NEMF: variants seen among roughly 807,000 people sequenced by gnomAD.
NEMF encodes ribosome quality control complex subunit NEMF.
In NEMF, 89 loss-of-function variants were observed where a neutral mutation model predicts 162.2. The ratio of observed to expected loss-of-function variants is 0.55; its 90% CI spans 0.46 to 0.65. NEMF has a LOEUF of 0.65. NEMF is among the 30% of genes least tolerant of loss of function. The pLI is 0.00. For missense variants in NEMF, 1,133 were observed against 1,261.9 expected (o/e 0.90, Z 1.55); for synonymous variants, 421 against 404.5 (o/e 1.04, Z -0.49).
intron 18 of NEMF, among the ~76,000 whole-genome samples, chr14:49,811,191 A>T (rs184313509): frequency 3.3e-5 from 5 of 152,130 alleles, no homozygotes; most frequent in Non-Finnish European, 2.9e-5. Flanking sequence ...ATTCCTAAGT[A>T]TTTTATTCTT....
At chr14:49,842,053 C>T (rs548467607) in intron 4 of NEMF, among the ~76,000 whole-genome samples, 2 of 150,622 alleles carry the variant, frequency 1.3e-5, no homozygotes, top group Non-Finnish European at 3.0e-5. Context: ...TGCTGTGAGC[C>T]GAGATCACGC....
chr14:49,803,205 G>A (rs765062165), intron 20 of NEMF, 32 bp downstream of exon 20: 4 of 1,457,510 alleles, frequency 2.7e-6, no homozygotes, highest in Non-Finnish European at 1.9e-6. Flanking sequence ...CCATTGACAA[G>A]TCTAGTGATA....
At chr14:49,840,904 A>G (rs1210722306) in intron 4 of NEMF, 38 bp from the exon 5 acceptor site, 3 of 1,584,084 alleles carry the variant, frequency 1.9e-6, no homozygotes, top group Non-Finnish European at 2.6e-6. Flanking sequence ...GCTCTTTCAA[A>G]TAATTTTTGA....
At chr14:49,831,498 C>A (rs967171965) in intron 10 of NEMF, 137 bp from the exon 11 acceptor site, 4 of 604,380 alleles carry the variant, frequency 6.6e-6, no homozygotes, top group African/African-American at 5.6e-5. Flanking sequence ...ACTGCAGTGG[C>A]GCGATCTAGG....
At chr14:49,843,729 G>A (rs1180562407) in intron 4 of NEMF, among the ~76,000 whole-genome samples, 3 of 152,178 alleles carry the variant, frequency 2.0e-5, no homozygotes, top group Admixed American at 2.0e-4. Context: ...GTAGTCAACT[G>A]TAATACAATA....
At chr14:49,797,205 T>C (rs1483972363) in intron 25 of NEMF, among the ~76,000 whole-genome samples, 7 of 152,188 alleles carry the variant, frequency 4.6e-5, no homozygotes, top group African/African-American at 7.2e-5. Context: ...AAAGGCTTTA[T>C]TGTCCATTCT....
At position 49,782,518 on chromosome 14, in the gene NEMF, G is replaced by T; in HGVS notation, c.*2118C>A. 1.2e-6 allele frequency: 2 copies of T among 1,602,052 alleles called. No homozygotes were observed. The highest frequency in any genetic ancestry group is 1.7e-6 in the Non-Finnish European group (2 of 1,171,268). ...ACTTGCAAAGCATTTGCTTTTAAAT[G>T]TGTTCTTCCTATTTATTTTTCAGGC... On this transcript the variant is annotated 3_prime_UTR_variant, in exon 33 of 33. Transcript: ENST00000298310.
chr14:49,828,530 G>C, intron 14 of NEMF, 86 bp downstream of exon 14: 1 of 1,202,484 alleles, frequency 8.3e-7, no homozygotes, highest in Non-Finnish European at 1.2e-6. Flanking sequence ...ATGTACAAGT[G>C]AAATTTAAAA....
chr14:49,838,246 T>C (rs1043883668), intron 5 of NEMF, 40 bp from the exon 6 acceptor site: 3 of 1,545,252 alleles, frequency 1.9e-6, no homozygotes, highest in Non-Finnish European at 2.7e-6. Flanking sequence ...ATATCTTAAA[T>C]AAACCTTACA....
At chr14:49,842,649 G>C (rs1268877085) in intron 4 of NEMF, among the ~76,000 whole-genome samples, 1 of 152,250 alleles carries the variant, frequency 6.6e-6, no homozygotes, top group African/African-American at 2.4e-5. Context: ...AGTGGCTTCA[G>C]TAAATGTAGC....
At chr14:49,819,473 G>A (rs1891889584) in intron 16 of NEMF, among the ~76,000 whole-genome samples, 1 of 151,660 alleles carries the variant, frequency 6.6e-6, no homozygotes, top group Admixed American at 6.6e-5. Context: ...GGAGTGCAGT[G>A]GCACAGTCTT....
intron 18 of NEMF, among the ~76,000 whole-genome samples, chr14:49,806,834 A>G (rs1891240433): frequency 6.6e-6 from 1 of 152,214 alleles, no homozygotes; most frequent in South Asian, 2.1e-4. Flanking sequence ...GCATATATGA[A>G]TAACATGTCC....
At chr14:49,850,242 A>G (rs1274469686) in intron 3 of NEMF, among the ~76,000 whole-genome samples, 2 of 152,054 alleles carry the variant, frequency 1.3e-5, no homozygotes, top group Non-Finnish European at 2.9e-5. Flanking sequence ...AGCTGGAATT[A>G]CAGGTGTGTG....
intron 4 of NEMF, among the ~76,000 whole-genome samples, chr14:49,842,664 A>G (rs559684163): frequency 6.6e-6 from 1 of 152,394 alleles, no homozygotes; most frequent in African/African-American, 2.4e-5. Flanking sequence ...TGTAGCCACC[A>G]TTTACGTTGG....
At chr14:49,784,754 G>A in intron 32 of NEMF, 41 bp from the exon 33 acceptor site, 2 of 1,524,030 alleles carry the variant, frequency 1.3e-6, no homozygotes, top group Non-Finnish European at 9.0e-7. Context: ...CATCCTGTAT[G>A]GTCAATCATG....
chr14:49,803,277 T>C lies in NEMF; in HGVS notation c.1875A>G (p.Pro625=). 1 of 1,609,760 alleles carries C rather than the reference T, an allele frequency of 6.2e-7. No homozygotes were observed. Reference sequence around the variant, plus strand: ...TTCCTGTTGTCAAATATTCTCCAGTTGGTGCTGTTTTAGATACCTGAAGAA... The same window carrying C: ...TTCCTGTTGTCAAATATTCTCCAGTCGGTGCTGTTTTAGATACCTGAAGAA... ...VYHHQVSKTA[P]TGEYLTTGSF... Residue 625 remains proline (P), a synonymous_variant, in exon 20 of 33, where the codon CCA becomes CCG. Transcript: ENST00000298310.
chr14:49,831,478 C>T, intron 10 of NEMF, 117 bp from the exon 11 acceptor site: 1 of 671,848 alleles, frequency 1.5e-6, no homozygotes, highest in East Asian at 2.7e-5. Flanking sequence ...CACTCTGTTG[C>T]CCAGGCGGGA....
Position 49,852,717 on chromosome 14 carries a change from CGGCGCGGAGGTCAAT to C in NEMF, c.22_36del (p.Ile8_Ala12del), listed in dbSNP as rs758564169. The C allele has an allele frequency of 6.2e-7, 1 of 1,614,216 alleles. No homozygotes were observed. The stretch of plus-strand genomic sequence containing the variant: ...TACCTAGCATTCAGCTCCGCGAGTA[CGGCGCGGAGGTCAAT>C]GGTGCTAAAGCGGCTCTTCATGGCG... On this transcript the variant is annotated inframe_deletion, in exon 1 of 33. Coordinates refer to ENST00000298310, the MANE Select transcript of NEMF (RefSeq NM_004713.6).
chr14:49,837,499 A>T (rs1254507467), intron 6 of NEMF, among the ~76,000 whole-genome samples: 1 of 152,114 alleles, frequency 6.6e-6, no homozygotes, highest in Non-Finnish European at 1.5e-5. Context: ...ACAAACAAAA[A>T]AAATAAATTA....
Sources: allele counts gnomAD v4.1 joint callset (sites outside exome capture counted in the v4.1 genomes callset), GRCh38; gene constraint gnomAD v4.1.1; transcripts MANE v1.5; gene names NCBI Gene and HGNC (gene_info 2026-07-23, HGNC 2026-07-21).